Variants in GRAP2 observed in about 807,000 individuals in gnomAD.
GRAP2 encodes the protein GRB2-related adapter protein 2.
Under a neutral mutation model 43.5 loss-of-function variants are expected in GRAP2, and 31 were observed. The observed-to-expected ratio is 0.71, with a 90% CI of 0.54 to 0.96. The LOEUF (loss-of-function observed/expected upper bound fraction) is 0.96, where lower values mean the gene tolerates loss of function less well. Among genes scored for constraint, GRAP2 ranks in the 40% least tolerant of loss-of-function variants. GRAP2 has a pLI of 0.00. For synonymous variants in GRAP2, 156 were observed against 164.8 expected, an observed-to-expected ratio of 0.95 and a Z score of 0.41; for missense variants, 371 against 424.4, an observed-to-expected ratio of 0.87 and a Z score of 1.11.
chr22:39,938,014 T>G (rs776164643), intron 1 of GRAP2, among the ~76,000 whole-genome samples: 3 of 152,030 alleles, frequency 2.0e-5, no homozygotes, highest in Non-Finnish European at 4.4e-5. Flanking sequence ...TAAGCCAGAC[T>G]GGCGTTGATT....
At chr22:39,961,663 G>A (rs9611234) in intron 4 of GRAP2, among the ~76,000 whole-genome samples, 4,992 of 152,314 alleles carry the variant, frequency 0.033, 115 homozygotes, top group Non-Finnish European at 0.049. Flanking sequence ...AGCATGTTGA[G>A]GATCGCAAGT....
At chr22:39,939,425 G>T (rs1181497499) in intron 1 of GRAP2, among the ~76,000 whole-genome samples, 2 of 152,030 alleles carry the variant, frequency 1.3e-5, no homozygotes, top group African/African-American at 4.8e-5. Context: ...AGCCGGGCGT[G>T]GTGGCAGGCG....
chr22:39,927,103 T>C (rs967845589), intron 1 of GRAP2, among the ~76,000 whole-genome samples: 7 of 152,220 alleles, frequency 4.6e-5, no homozygotes, highest in Admixed American at 2.6e-4. Flanking sequence ...CTTTTTTTCA[T>C]GCTCACTTCT....
intron 1 of GRAP2, among the ~76,000 whole-genome samples, chr22:39,909,700 A>T (rs2066545980): frequency 6.6e-6 from 1 of 152,186 alleles, no homozygotes; most frequent in East Asian, 1.9e-4. Context: ...AAACAAACAA[A>T]CAAAAAAATG....
rs190919181 is a variant in GRAP2, at chr22:39,955,501, G to T, written c.79-318G>T. 5.2e-3 allele frequency among the ~76,000 whole-genome samples: 786 copies of T among 152,190 alleles called. 5 individuals are homozygous for T. Among genetic ancestry groups the T allele is most frequent in the Non-Finnish European group, 9.3e-3 (631 of 68,006 alleles). On this transcript the variant is annotated intron_variant, in intron 2 of 7. Transcript: ENST00000344138. ...ACTTAAGGTGCTAACTGGGACAAAT[G>T]AATTTCCAAAATAGAAAAAGGGATT...
chr22:39,897,515 CTTTT>C (rs368180670), upstream of GRAP2, among the ~76,000 whole-genome samples: 2 of 127,646 alleles, frequency 1.6e-5, no homozygotes, highest in Non-Finnish European at 3.3e-5. Context: ...AAAGTAGCCT[CTTTT>C]TTTTTTTTTT....
At chr22:39,900,470 T>C (rs181862664), upstream of GRAP2, among the ~76,000 whole-genome samples, 142 of 152,246 alleles carry the variant, frequency 9.3e-4, 1 homozygote, top group African/African-American at 3.1e-3. Context: ...GCAGTTGATA[T>C]AGGGGGAAGG....
chr22:39,897,554 T>C (rs2066470896), upstream of GRAP2, among the ~76,000 whole-genome samples: 1 of 149,450 alleles, frequency 6.7e-6, no homozygotes, highest in Non-Finnish European at 1.5e-5. Flanking sequence ...AGTTTTGCTC[T>C]TATTGCCCAG....
intron 1 of GRAP2, among the ~76,000 whole-genome samples, chr22:39,928,054 T>C (rs2066722394): frequency 6.6e-6 from 1 of 152,224 alleles, no homozygotes. Context: ...TTCCTGCCTC[T>C]TTCTGCGACC....
rs576735893 is a variant in GRAP2 at position 39,968,051 on chromosome 22, G to A, written c.469G>A (p.Gly157Ser). ...CTGTTCTTTCTCCCAGGGTCACCGG[G>A]GCAACAGCCTGGACCGGAGGTCCCA... ...DRTREDQGHR[G>S]NSLDRRSQGG... Residue 157 changes from glycine to serine, a missense_variant, in exon 6 of 8, where the codon GGC (glycine) becomes AGC (serine). Transcript: ENST00000344138. The A allele has an allele frequency of 1.3e-4, 203 of 1,612,594 alleles. 1 individual carries two copies. Among genetic ancestry groups the A allele is most frequent in the Non-Finnish European group, 1.1e-4 (133 of 1,179,244 alleles).
chr22:39,971,346 G>A lies in GRAP2; in HGVS notation c.*262G>A, dbSNP rs561959406. 2 of 462,100 alleles carry A rather than the reference G, an allele frequency of 4.3e-6. No homozygotes were observed. Among genetic ancestry groups the A allele is most frequent in the East Asian group, 4.0e-5 (1 of 24,810 alleles). The allele number at this position is 462,100 out of a possible 1,614,324, so 28.6% of individuals were successfully genotyped here. On this transcript the variant is annotated 3_prime_UTR_variant, in exon 8 of 8. Transcript: ENST00000344138. ...TGGAAGGCAGTGGGGGAGTTGGGAGGGGGGCAGGGAAATGAAATGGAGTTT... is the reference window on the plus strand; with the variant it reads ...TGGAAGGCAGTGGGGGAGTTGGGAGAGGGGCAGGGAAATGAAATGGAGTTT...
chr22:39,912,227 C>T (rs2066572194), intron 1 of GRAP2, among the ~76,000 whole-genome samples: 1 of 152,170 alleles, frequency 6.6e-6, no homozygotes, highest in Admixed American at 6.5e-5. Context: ...TTGAGGCCAG[C>T]CTGGGCAACA....
intron 2 of GRAP2, among the ~76,000 whole-genome samples, chr22:39,950,166 A>G (rs2066966931): frequency 6.6e-6 from 1 of 151,922 alleles, no homozygotes; most frequent in South Asian, 2.1e-4. Flanking sequence ...TCCTACACAC[A>G]CATACTTGAC....
chr22:39,971,021 C>T lies in GRAP2; in HGVS notation c.930C>T (p.Thr310=), dbSNP rs760920018. ...VLDSSNPSWW[T]GRLHNKLGLF... is the part of the protein sequence containing the mutation. ...ATAGCTCCAACCCATCCTGGTGGAC[C>T]GGCCGCCTGCACAACAAGCTGGGCC... Residue 310 remains threonine (T), a synonymous_variant, in exon 8 of 8, where the codon ACC becomes ACT. Transcript: ENST00000344138. 1.5e-5 allele frequency: 24 copies of T among 1,613,562 alleles called. No individual in the cohort carries two copies. In the South Asian group the frequency reaches 1.6e-4, roughly 11 times the overall value.
At position 39,968,138 on chromosome 22, in the gene GRAP2, C is replaced by G; in HGVS notation, c.556C>G (p.Leu186Val). The G allele has an allele frequency of 6.2e-7, 1 of 1,607,690 alleles. No individual in the cohort carries two copies. Among genetic ancestry groups the G allele is most frequent in the Non-Finnish European group, 8.5e-7 (1 of 1,177,112 alleles). The change falls in exon 6 of 8, where the codon CTG becomes GTG. Residue 186 changes from leucine to valine, a missense_variant. Transcript: ENST00000344138. The stretch of plus-strand genomic sequence containing the variant: ...AATCCGACCTTCGATGAACCGGAAG[C>G]TGTCGGATCACCCCCCGACCCTTCC... ...EEIRPSMNRK[L>V]SDHPPTLPLQ...
intron 1 of GRAP2, among the ~76,000 whole-genome samples, chr22:39,906,545 A>G (rs1309578210): frequency 6.6e-6 from 1 of 152,244 alleles, no homozygotes; most frequent in Non-Finnish European, 1.5e-5. Context: ...CTAAAAATAA[A>G]TAAGAAAAAA....
At chr22:39,946,931 C>T (rs888120168) in intron 1 of GRAP2, 162 bp from the exon 2 acceptor site, 34 of 582,738 alleles carry the variant, frequency 5.8e-5, no homozygotes, top group Non-Finnish European at 6.5e-5. Flanking sequence ...GCAGCTCTTC[C>T]TGCAAACACA....
chr22:39,907,356 A>G (rs2145570105), intron 1 of GRAP2, among the ~76,000 whole-genome samples: 1 of 152,344 alleles, frequency 6.6e-6, no homozygotes, highest in East Asian at 1.9e-4. Context: ...TCCGTGGGAA[A>G]TTCTGGTGTC....
chr22:39,926,225 A>G (rs1191736019), intron 1 of GRAP2, among the ~76,000 whole-genome samples: 1 of 152,212 alleles, frequency 6.6e-6, no homozygotes, highest in Non-Finnish European at 1.5e-5. Flanking sequence ...TTTGGTAAAT[A>G]TTTATTGAGT....
Sources: allele counts gnomAD v4.1 joint callset (sites outside exome capture counted in the v4.1 genomes callset), GRCh38; gene constraint gnomAD v4.1.1; transcripts MANE v1.5; gene names NCBI Gene and HGNC (gene_info 2026-07-23, HGNC 2026-07-21).